Variants in NDUFAF6 observed in about 807,000 individuals in gnomAD.
The protein encoded by NDUFAF6 is NADH dehydrogenase (ubiquinone) complex I, assembly factor 6.
In NDUFAF6, 45 loss-of-function variants were observed where a neutral mutation model predicts 40.8. The ratio of observed to expected loss-of-function variants is 1.10; its 90% CI spans 0.87 to 1.42. The LOEUF is 1.42. Among genes scored for constraint, NDUFAF6 ranks in the 40% most tolerant of loss-of-function variants. The pLI is 0.00. For synonymous variants in NDUFAF6, 185 were observed against 155.9 expected, an observed-to-expected ratio of 1.19 and a Z score of -1.39; for missense variants, 435 against 418.5, an observed-to-expected ratio of 1.04 and a Z score of -0.34.
At chr8:94,980,102 G>GAAAAAA (rs113197653) in intron 1 of NDUFAF6, among the ~76,000 whole-genome samples, 1 of 145,894 alleles carries the variant, frequency 6.9e-6, no homozygotes. Context: ...GTCTCAAAGC[G>GAAAAAA]AAAAAAAAAA....
intron 1 of NDUFAF6, among the ~76,000 whole-genome samples, chr8:94,920,616 A>G (rs1563709859): frequency 6.6e-6 from 1 of 152,194 alleles, no homozygotes; most frequent in Non-Finnish European, 1.5e-5. Context: ...TTTGAGTCCC[A>G]CTGCTTTCCA....
chr8:94,931,975 A>C (rs1586694639), intron 1 of NDUFAF6: 1 of 1,315,954 alleles, frequency 7.6e-7, no homozygotes. Context: ...CCATCTCAAA[A>C]AAAGAAAGAA....
At chr8:95,075,519 A>G in intron 9 of NDUFAF6, 1 of 739,622 alleles carries the variant, frequency 1.4e-6, no homozygotes, top group Non-Finnish European at 2.0e-6. Flanking sequence ...CCCTTTTTGG[A>G]GCTGGGATTT....
In NDUFAF6 at chr8:94,932,249, CAT is replaced by C. The variant is rs1282218417; in HGVS notation, c.-935-13233_-935-13232del. 9.9e-6 allele frequency: 8 copies of C among 808,432 alleles called. No homozygotes were observed. In the Admixed American group the frequency reaches 1.5e-4, roughly 15 times the overall value. The allele number at this position is 808,432 out of a possible 1,614,324, so 50.1% of individuals were successfully genotyped here. A position where few individuals can be genotyped will look rare whatever the true frequency, so the allele number is the denominator to read the frequency against. ...AGGCACGTACATGTGCTTAAGATAACATGTAAAACCTTCAAAAACAATACTTA... is the reference window on the plus strand; with the variant it reads ...AGGCACGTACATGTGCTTAAGATAACGTAAAACCTTCAAAAACAATACTTA... On this transcript the variant is annotated intron_variant, in intron 1 of 14. Transcript: ENST00000396113.
At chr8:95,050,668 T>C (rs1831326485) in intron 7 of NDUFAF6, among the ~76,000 whole-genome samples, 1 of 152,200 alleles carries the variant, frequency 6.6e-6, no homozygotes, top group Non-Finnish European at 1.5e-5. Flanking sequence ...GATATGAGTG[T>C]TGCAGAATAG....
At chr8:95,023,989 CAA>C (rs35426799), upstream of NDUFAF6, among the ~76,000 whole-genome samples, 26 of 124,292 alleles carry the variant, frequency 2.1e-4, no homozygotes, top group Admixed American at 2.5e-4. Flanking sequence ...GACTCTGTCT[CAA>C]AAAAAAAAAA....
chr8:94,956,366 C>G (rs1586798445), upstream of NDUFAF6, among the ~76,000 whole-genome samples: 1 of 152,264 alleles, frequency 6.6e-6, no homozygotes, highest in Middle Eastern at 3.4e-3. Context: ...GGCAAGCAAG[C>G]TCTGTGAAGC....
intron 1 of NDUFAF6, among the ~76,000 whole-genome samples, chr8:94,907,746 G>C (rs1346132434): frequency 6.6e-6 from 1 of 152,178 alleles, no homozygotes; most frequent in Admixed American, 6.5e-5. Flanking sequence ...TTTCACATCA[G>C]CCTCATACTT....
intron 3 of NDUFAF6, among the ~76,000 whole-genome samples, chr8:95,038,738 T>C (rs1426773187): frequency 6.6e-6 from 1 of 151,976 alleles, no homozygotes; most frequent in Non-Finnish European, 1.5e-5. Flanking sequence ...AGTGCAGTGG[T>C]GTGATTTCAG....
intron 1 of NDUFAF6, among the ~76,000 whole-genome samples, chr8:94,910,159 G>GT (rs796429158): frequency 3.6e-4 from 55 of 150,878 alleles, no homozygotes; most frequent in South Asian, 8.4e-4. Flanking sequence ...TGTTTTTTTG[G>GT]TTTTTTTTTA....
At chr8:95,059,250 T>G (rs1387868431), downstream of NDUFAF6, among the ~76,000 whole-genome samples, 1 of 152,196 alleles carries the variant, frequency 6.6e-6, no homozygotes, top group Non-Finnish European at 1.5e-5. Context: ...GTCTTTGGTA[T>G]CAGCTATGAA....
Position 94,970,178 on chromosome 8 carries a change from G to A in NDUFAF6, c.-198-10681G>A, listed in dbSNP as rs971978522. ...GCTGAGGCAGGGGAATCGCTTGAAC[G>A]TGGGAGGTAGAGGTTGCAGTGAGCC... On this transcript the variant is annotated intron_variant, in intron 1 of 9. Transcript: ENST00000396111. Among the ~76,000 whole-genome samples the A allele has an allele frequency of 8.3e-5, 12 of 144,964 alleles. No homozygotes were observed. The South Asian group carries it at 1.1e-3, about 13-fold the overall frequency.
chr8:95,090,235 G>T (rs1272972281), intron 2 of NDUFAF6, among the ~76,000 whole-genome samples: 1 of 152,212 alleles, frequency 6.6e-6, no homozygotes, highest in Non-Finnish European at 1.5e-5. Flanking sequence ...TGGGTTCTCT[G>T]TATCAAATCA....
intron 2 of NDUFAF6, among the ~76,000 whole-genome samples, chr8:94,951,561 A>G (rs114187220): frequency 4.0e-4 from 61 of 152,310 alleles, no homozygotes; most frequent in African/African-American, 1.4e-3. Context: ...CTGATTTATA[A>G]TCTTCCCACC....
intron 2 of NDUFAF6, among the ~76,000 whole-genome samples, chr8:95,007,668 T>G (rs930040554): frequency 3.3e-5 from 5 of 150,094 alleles, no homozygotes; most frequent in East Asian, 1.9e-4. Flanking sequence ...TGTTTTTTTT[T>G]TTTTTTTTTT....
chr8:95,109,526 T>C (rs1563872903), intron 4 of NDUFAF6, among the ~76,000 whole-genome samples: 1 of 152,194 alleles, frequency 6.6e-6, no homozygotes, highest in Admixed American at 6.5e-5. Flanking sequence ...ATAAGATGTA[T>C]AAATGCGTGG....
upstream of NDUFAF6, among the ~76,000 whole-genome samples, chr8:94,957,631 T>C (rs1389679791): frequency 6.6e-6 from 1 of 152,138 alleles, no homozygotes; most frequent in Non-Finnish European, 1.5e-5. Context: ...ACAGCAGATG[T>C]ATTGATAGCA....
At chr8:94,991,796 G>GC (rs35398480) in intron 2 of NDUFAF6, among the ~76,000 whole-genome samples, 5,793 of 113,104 alleles carry the variant, frequency 0.051, 170 homozygotes, top group African/African-American at 0.078. Flanking sequence ...CTCATTCTTC[G>GC]CCCCCCCCCC....
chr8:95,074,871 AG>A (rs1382997768), intron 9 of NDUFAF6, among the ~76,000 whole-genome samples: 3 of 152,192 alleles, frequency 2.0e-5, no homozygotes, highest in African/African-American at 7.2e-5. Context: ...CCTTAGATCA[AG>A]GGCCTCATGT....
Sources: allele counts gnomAD v4.1 joint callset (sites outside exome capture counted in the v4.1 genomes callset), GRCh38; gene constraint gnomAD v4.1.1; transcripts MANE v1.5; gene names NCBI Gene and HGNC (gene_info 2026-07-23, HGNC 2026-07-21).